The following CNOT4 variants were observed in gnomAD, a reference collection of about 807,000 sequenced individuals.
CNOT4 encodes the protein CCR4-associated factor 4.
A neutral mutation model predicts 73.8 loss-of-function variants in CNOT4; 8 were observed. The observed-to-expected ratio is 0.11, with a 90% CI of 0.06 to 0.20. The LOEUF (loss-of-function observed/expected upper bound fraction) is 0.20. CNOT4 is among the 10% of genes least tolerant of loss of function. The pLI is 1.00. For missense variants in CNOT4, 564 were observed against 883.4 expected (o/e 0.64, Z 4.58); for synonymous variants, 293 against 321.1 (o/e 0.91, Z 0.94).
intron 1 of CNOT4, among the ~76,000 whole-genome samples, chr7:135,485,405 T>G (rs1802654478): frequency 6.6e-6 from 1 of 152,156 alleles, no homozygotes; most frequent in African/African-American, 2.4e-5. Context: ...AAACATATTC[T>G]AAAATTTATA....
At chr7:135,453,861 G>T (rs1800354955) in intron 1 of CNOT4, among the ~76,000 whole-genome samples, 1 of 94,458 alleles carries the variant, frequency 1.1e-5, no homozygotes, top group East Asian at 4.2e-4. Context: ...ATATATAGCT[G>T]GTACAGCAGC....
chr7:135,387,833 T>C (rs1465719295), intron 10 of CNOT4: 17 of 979,764 alleles, frequency 1.7e-5, no homozygotes, highest in Admixed American at 6.2e-5. Context: ...TCTGTTACAA[T>C]TTAGGTGGCC....
At position 135,509,935 on chromosome 7, in the gene CNOT4, C is replaced by T. The variant is rs1481549122; in HGVS notation, c.-139G>A. On this transcript the variant is annotated 5_prime_UTR_variant, in exon 1 of 12. Coordinates refer to ENST00000541284, the MANE Select transcript of CNOT4 (RefSeq NM_001190850.2). ...TCCCTCAGCCGACTCCACGGGCTGC[C>T]GCGTCCTCACAAGAAACCACCGAAC... 2 of 398,782 alleles carry T rather than the reference C, an allele frequency of 5.0e-6. No individual in the cohort carries two copies. Among genetic ancestry groups the T allele is most frequent in the Non-Finnish European group, 4.4e-6 (1 of 226,272 alleles). The allele number at this position is 398,782 out of a possible 1,614,324, so 24.7% of individuals were successfully genotyped here. A position where few individuals can be genotyped will look rare whatever the true frequency, so the allele number is the denominator to read the frequency against.
At chr7:135,464,375 C>A (rs1329775363) in intron 1 of CNOT4, among the ~76,000 whole-genome samples, 1 of 152,200 alleles carries the variant, frequency 6.6e-6, no homozygotes, top group East Asian at 1.9e-4. Flanking sequence ...AAGATCATGT[C>A]TTTTGCAGGA....
chr7:135,413,861 C>T (rs1188389093), intron 5 of CNOT4, among the ~76,000 whole-genome samples: 1 of 151,906 alleles, frequency 6.6e-6, no homozygotes, highest in Non-Finnish European at 1.5e-5. Flanking sequence ...CAAATCTTCC[C>T]TAGATATAAG....
At chr7:135,461,522 T>C (rs1233894496) in intron 1 of CNOT4, among the ~76,000 whole-genome samples, 2 of 152,032 alleles carry the variant, frequency 1.3e-5, no homozygotes, top group African/African-American at 4.8e-5. Context: ...CTGCTTTACC[T>C]ATTAAATCTT....
chr7:135,463,343 G>A (rs1001308814), intron 1 of CNOT4, among the ~76,000 whole-genome samples: 9 of 152,136 alleles, frequency 5.9e-5, no homozygotes, highest in Non-Finnish European at 1.0e-4. Flanking sequence ...TTCGAGACCA[G>A]TCTGGCCAAC....
chr7:135,455,155 T>C (rs1416293184), intron 1 of CNOT4, among the ~76,000 whole-genome samples: 2 of 151,836 alleles, frequency 1.3e-5, no homozygotes, highest in African/African-American at 4.8e-5. Flanking sequence ...GTGTCTGTAG[T>C]CCCAGCTACT....
intron 1 of CNOT4, chr7:135,445,065 G>A: frequency 1.3e-6 from 1 of 752,472 alleles, no homozygotes; most frequent in Non-Finnish European, 2.3e-6. Flanking sequence ...TAATCACAAG[G>A]TTATTTTCAG....
chr7:135,408,694 A>G lies in CNOT4; in HGVS notation c.821+1821T>C, dbSNP rs538001627. On this transcript the variant is annotated intron_variant, in intron 7 of 11. Coordinates refer to ENST00000541284, the MANE Select transcript of CNOT4 (RefSeq NM_001190850.2). ...CAATTTGGACATGTCAATTCACTTA[A>G]CGTGCACAGCTTTGGGATGTGGGAG... Among the ~76,000 whole-genome samples the G allele has an allele frequency of 3.3e-5, 5 of 152,194 alleles. No homozygotes were observed. In the South Asian group the frequency reaches 1.0e-3, roughly 32 times the overall value.
chr7:135,487,914 G>A (rs564595970), intron 1 of CNOT4, among the ~76,000 whole-genome samples: 5 of 151,940 alleles, frequency 3.3e-5, no homozygotes, highest in African/African-American at 4.8e-5. Context: ...AAAATTAGCC[G>A]GGCATGGTGG....
chr7:135,412,115 A>G (rs113876075), intron 6 of CNOT4, among the ~76,000 whole-genome samples: 5,339 of 152,004 alleles, frequency 0.035, 318 homozygotes, highest in African/African-American at 0.12. Context: ...TTACATTTTT[A>G]AAACATGAAA....
At chr7:135,416,893 T>A (rs1369366158) in intron 3 of CNOT4, among the ~76,000 whole-genome samples, 4 of 152,150 alleles carry the variant, frequency 2.6e-5, no homozygotes, top group African/African-American at 9.7e-5. Flanking sequence ...CAAAGAATTG[T>A]CCCGCACAAT....
intron 7 of CNOT4, among the ~76,000 whole-genome samples, chr7:135,400,462 G>A (rs2129483635): frequency 6.6e-6 from 1 of 152,166 alleles, no homozygotes; most frequent in East Asian, 1.9e-4. Flanking sequence ...TATTACAAAG[G>A]ACGATTTCTA....
At chr7:135,427,931 C>T (rs2129484812) in intron 2 of CNOT4, among the ~76,000 whole-genome samples, 1 of 152,236 alleles carries the variant, frequency 6.6e-6, no homozygotes. Context: ...CCAACACCAG[C>T]TCATGGTAGT....
intron 1 of CNOT4, among the ~76,000 whole-genome samples, chr7:135,507,451 G>A (rs921901866): frequency 6.6e-6 from 1 of 152,088 alleles, no homozygotes; most frequent in African/African-American, 2.4e-5. Context: ...CTATCAAAAT[G>A]TTAAAGAACT....
chr7:135,506,523 TTTAA>T (rs1365526245), intron 1 of CNOT4, among the ~76,000 whole-genome samples: 1 of 152,190 alleles, frequency 6.6e-6, no homozygotes, highest in African/African-American at 2.4e-5. Flanking sequence ...TTTAAACATA[TTTAA>T]TTGAGTACTA....
chr7:135,450,633 C>T (rs1405989018), intron 1 of CNOT4, among the ~76,000 whole-genome samples: 3 of 152,126 alleles, frequency 2.0e-5, no homozygotes, highest in Non-Finnish European at 2.9e-5. Context: ...TGATTACAGG[C>T]GTGAGCCGCT....
chr7:135,388,790 G>C lies in CNOT4; in HGVS notation c.1627+5128C>G, dbSNP rs780158585. 1.9e-6 allele frequency: 3 copies of C among 1,612,020 alleles called. No homozygotes were observed. In the South Asian group the frequency reaches 3.3e-5, roughly 18 times the overall value. On this transcript the variant is annotated intron_variant, in intron 10 of 11. Transcript: ENST00000541284. ...AGTCTAATCCTCTCCTCTCAGTTCTGTTGTCAGGCCACAGTAGTGTGGAGA... is the reference window on the plus strand; with the variant it reads ...AGTCTAATCCTCTCCTCTCAGTTCTCTTGTCAGGCCACAGTAGTGTGGAGA...
Sources: gnomAD v4.1 joint callset for allele counts (sites outside exome capture counted in the v4.1 genomes callset) on GRCh38, gnomAD v4.1.1 for gene constraint, MANE v1.5 for transcripts, NCBI Gene and HGNC (gene_info 2026-07-23, HGNC 2026-07-21) for gene names.